NRG1: variants seen among roughly 807,000 people sequenced by gnomAD.
NRG1 encodes pro-neuregulin-1, membrane-bound isoform.
NRG1 carries 18 observed loss-of-function variants against 63.8 expected under a neutral mutation model. That is an observed-to-expected ratio of 0.28 (90% confidence interval 0.19 to 0.42). The LOEUF (loss-of-function observed/expected upper bound fraction) is 0.42, where lower values mean the gene tolerates loss of function less well. Ranked by LOEUF, NRG1 falls within the 10% of genes least tolerant of loss-of-function variation. The probability of loss-of-function intolerance (pLI) is 1.00; values close to 1 mark genes in which losing one functional copy is unlikely to be tolerated. For synonymous variants in NRG1, 302 were observed against 301.3 expected, an observed-to-expected ratio of 1.00 and a Z score of -0.02; for missense variants, 762 against 814.7, an observed-to-expected ratio of 0.94 and a Z score of 0.79.
chr8:32,194,487 T>C (rs530910749), intron 1 of NRG1, among the ~76,000 whole-genome samples: 1 of 152,038 alleles, frequency 6.6e-6, no homozygotes, highest in African/African-American at 2.4e-5. Context: ...TTACACATCA[T>C]CCAATCCCAC....
At chr8:32,227,670 T>C (rs1322354947) in intron 1 of NRG1, among the ~76,000 whole-genome samples, 1 of 152,172 alleles carries the variant, frequency 6.6e-6, no homozygotes, top group Non-Finnish European at 1.5e-5. Context: ...TTATACTAGC[T>C]GAGCACCCTG....
intron 1 of NRG1, among the ~76,000 whole-genome samples, chr8:31,900,791 C>T (rs929825176): frequency 2.6e-5 from 4 of 152,146 alleles, no homozygotes; most frequent in African/African-American, 9.7e-5. Context: ...CTTTCTATAG[C>T]AATCAAGAAT....
At chr8:32,253,355 GA>G (rs1315057393) in intron 1 of NRG1, among the ~76,000 whole-genome samples, 1 of 152,018 alleles carries the variant, frequency 6.6e-6, no homozygotes, top group Non-Finnish European at 1.5e-5. Context: ...ATTATTTTTG[GA>G]TACATTCCAT....
intron 2 of NRG1, among the ~76,000 whole-genome samples, chr8:32,596,828 C>T (rs921088090): frequency 1.3e-5 from 2 of 152,026 alleles, no homozygotes; most frequent in Admixed American, 1.3e-4. Context: ...GCTGATAAAG[C>T]ACATCATCAT....
chr8:31,703,190 GT>G (rs1341910419), intron 1 of NRG1, among the ~76,000 whole-genome samples: 9 of 150,958 alleles, frequency 6.0e-5, no homozygotes, highest in Non-Finnish European at 4.4e-5. Flanking sequence ...TATAAAATCT[GT>G]CATACAGAAT....
intron 1 of NRG1, among the ~76,000 whole-genome samples, chr8:31,822,198 T>C (rs1586644549): frequency 6.6e-6 from 1 of 152,204 alleles, no homozygotes; most frequent in East Asian, 1.9e-4. Context: ...AATATTTCCC[T>C]GAACTCTAAT....
intron 5 of NRG1, among the ~76,000 whole-genome samples, chr8:32,644,517 T>C (rs886351341): frequency 1.3e-5 from 2 of 152,160 alleles, no homozygotes; most frequent in Non-Finnish European, 2.9e-5. Flanking sequence ...CTCCCATCCT[T>C]CTCCATTTCC....
intron 1 of NRG1, among the ~76,000 whole-genome samples, chr8:32,282,538 A>G (rs2129473389): frequency 6.6e-6 from 1 of 152,308 alleles, no homozygotes; most frequent in East Asian, 1.9e-4. Context: ...AATTGCTTCC[A>G]ATGAGAGGTG....
At chr8:32,057,250 T>C (rs1338905322) in intron 1 of NRG1, among the ~76,000 whole-genome samples, 2 of 152,168 alleles carry the variant, frequency 1.3e-5, no homozygotes, top group Non-Finnish European at 2.9e-5. Flanking sequence ...ACTAAGATAA[T>C]CTGGAATTCT....
intron 1 of NRG1, among the ~76,000 whole-genome samples, chr8:32,514,378 G>A (rs1033178522): frequency 1.3e-5 from 2 of 151,822 alleles, no homozygotes; most frequent in Admixed American, 1.3e-4. Context: ...CATATGTGTC[G>A]TATTATTTGA....
intron 1 of NRG1, among the ~76,000 whole-genome samples, chr8:32,029,681 A>C (rs897025698): frequency 2.6e-5 from 4 of 152,356 alleles, no homozygotes; most frequent in African/African-American, 9.6e-5. Context: ...CTTAGGACTC[A>C]TATCGAGGTT....
At chr8:31,958,385 A>G (rs1804837517) in intron 1 of NRG1, among the ~76,000 whole-genome samples, 1 of 152,192 alleles carries the variant, frequency 6.6e-6, no homozygotes, top group African/African-American at 2.4e-5. Flanking sequence ...GGAAAAAAAA[A>G]TTACCACCAT....
At chr8:31,668,764 A>C (rs1806810323) in intron 1 of NRG1, among the ~76,000 whole-genome samples, 1 of 152,210 alleles carries the variant, frequency 6.6e-6, no homozygotes, top group Admixed American at 6.5e-5. Flanking sequence ...AGTTCCTGGC[A>C]TAATGTACAG....
At chr8:32,444,005 C>T (rs1819911485) in intron 1 of NRG1, among the ~76,000 whole-genome samples, 1 of 150,494 alleles carries the variant, frequency 6.6e-6, no homozygotes, top group African/African-American at 2.4e-5. Context: ...TTTTTCCTTC[C>T]TTCCTTTTTC....
chr8:31,907,182 C>T (rs577689777), intron 1 of NRG1, among the ~76,000 whole-genome samples: 2 of 151,704 alleles, frequency 1.3e-5, no homozygotes, highest in East Asian at 3.9e-4. Flanking sequence ...GCAACATCCT[C>T]CAACGTAAAT....
intron 5 of NRG1, among the ~76,000 whole-genome samples, chr8:32,697,736 G>A (rs1813732420): frequency 6.6e-6 from 1 of 152,200 alleles, no homozygotes; most frequent in Admixed American, 6.5e-5. Context: ...AAATTGAACT[G>A]TCTTAACAGA....
chr8:32,266,186 G>A (rs1019946454), intron 1 of NRG1, among the ~76,000 whole-genome samples: 10 of 152,138 alleles, frequency 6.6e-5, no homozygotes, highest in Admixed American at 2.0e-4. Context: ...AACAGTGTGC[G>A]CTGATGTGTA....
At position 31,806,547 on chromosome 8, in the gene NRG1, G is replaced by A. The variant is rs1822305539; in HGVS notation, c.37+167116G>A. ...GAAAATATAGATTACCTATCTTCCA[G>A]TAAGATGCTGCAATTTATTTAGATA... is the stretch of plus-strand genomic sequence containing the variant. On this transcript the variant is annotated intron_variant, in intron 1 of 10. Coordinates refer to the NRG1 transcript ENST00000519301. Among the ~76,000 whole-genome samples the A allele has an allele frequency of 3.3e-5, 5 of 152,020 alleles. No individual in the cohort carries two copies. The South Asian group carries it at 1.0e-3, about 32-fold the overall frequency.
At chr8:31,699,203 T>TC (rs1298972284) in intron 1 of NRG1, among the ~76,000 whole-genome samples, 1 of 151,576 alleles carries the variant, frequency 6.6e-6, no homozygotes, top group Non-Finnish European at 1.5e-5. Flanking sequence ...ATAACATTTT[T>TC]TTCCTCATTA....
Sources: gnomAD v4.1 joint callset for allele counts (sites outside exome capture counted in the v4.1 genomes callset) on GRCh38, gnomAD v4.1.1 for gene constraint, MANE v1.5 for transcripts, NCBI Gene and HGNC (gene_info 2026-07-23, HGNC 2026-07-21) for gene names.